SCAF4: variants seen among roughly 807,000 people sequenced by gnomAD.
The protein encoded by SCAF4 is SR-related and CTD-associated factor 4.
In SCAF4, 25 loss-of-function variants were observed where a neutral mutation model predicts 129.8. The observed-to-expected ratio is 0.19, with a 90% confidence interval of 0.14 to 0.27. The LOEUF (loss-of-function observed/expected upper bound fraction) is 0.27. Ranked by LOEUF, SCAF4 falls within the 10% of genes least tolerant of loss-of-function variation. The pLI is 1.00. For missense variants in SCAF4, 1,246 were observed against 1,457.1 expected (o/e 0.86, Z 2.36); for synonymous variants, 551 against 497.7 (o/e 1.11, Z -1.43).
rs190943564 is a variant in SCAF4 at position 31,721,219 on chromosome 21, T to C, written c.30+10444A>G. ...GTTTGCTTTATAAAATATATCCCTA[T>C]ATTTGTTAAAATAGATAGTGGTAAA... is the stretch of plus-strand genomic sequence containing the variant. On this transcript the variant is annotated intron_variant, in intron 1 of 19. Coordinates refer to ENST00000286835, the MANE Select transcript of SCAF4 (RefSeq NM_020706.2). 6.5e-3 allele frequency among the ~76,000 whole-genome samples: 995 copies of C among 152,350 alleles called. 10 individuals are homozygous for C. The highest frequency in any genetic ancestry group is 0.023 in the African/African-American group (937 of 41,568).
intron 1 of SCAF4, among the ~76,000 whole-genome samples, chr21:31,726,014 A>AT (rs1478446349): frequency 1.3e-5 from 2 of 152,006 alleles, no homozygotes; most frequent in African/African-American, 4.8e-5. Flanking sequence ...TATAATAACC[A>AT]ATAGATAGAT....
intron 19 of SCAF4, among the ~76,000 whole-genome samples, chr21:31,674,166 G>C (rs1335999268): frequency 1.3e-5 from 2 of 152,146 alleles, no homozygotes; most frequent in East Asian, 3.8e-4. Flanking sequence ...ACTTTGTACA[G>C]AAGAGAGAAA....
At chr21:31,727,966 T>C (rs1387535790) in intron 1 of SCAF4, among the ~76,000 whole-genome samples, 7 of 152,162 alleles carry the variant, frequency 4.6e-5, no homozygotes, top group Non-Finnish European at 8.8e-5. Context: ...TGTCTTGCCA[T>C]AAAAATTCTC....
In SCAF4 at chr21:31,676,758, T is replaced by A. The variant is rs185379591; in HGVS notation, c.2489-4404A>T. The stretch of plus-strand genomic sequence containing the variant: ...AATGTACTATTCAATGGTTTTAGTA[T>A]ATTCACAGAATTGGGCAACTATCAC... On this transcript the variant is annotated intron_variant, in intron 19 of 19. Coordinates refer to ENST00000286835, the MANE Select transcript of SCAF4 (RefSeq NM_020706.2). Among the ~76,000 whole-genome samples the A allele has an allele frequency of 3.3e-5, 5 of 152,326 alleles. No individual in the cohort carries two copies. The East Asian group carries it at 9.7e-4, about 29-fold the overall frequency.
At chr21:31,697,165 G>A (rs2050407832) in intron 7 of SCAF4, among the ~76,000 whole-genome samples, 1 of 151,906 alleles carries the variant, frequency 6.6e-6, no homozygotes, top group Non-Finnish European at 1.5e-5. Flanking sequence ...TCACCATAAT[G>A]CATATAGAAA....
chr21:31,726,049 C>CTT (rs899443141), intron 1 of SCAF4, among the ~76,000 whole-genome samples: 21 of 142,414 alleles, frequency 1.5e-4, no homozygotes, highest in African/African-American at 3.8e-4. Context: ...TGGCCCTTAA[C>CTT]TTTTTTTTTT....
chr21:31,683,018 G>A (rs1828396825), intron 19 of SCAF4, among the ~76,000 whole-genome samples: 1 of 152,090 alleles, frequency 6.6e-6, no homozygotes, highest in Admixed American at 6.5e-5. Flanking sequence ...CTAACATATT[G>A]CATTTTAGTT....
rs897629926 is a variant in SCAF4 at position 31,732,089 on chromosome 21, GGCCCGAGTCCAC to G, written c.-409_-398del. On this transcript the variant is annotated 5_prime_UTR_variant, in exon 1 of 20. Transcript: ENST00000286835. The stretch of plus-strand genomic sequence containing the variant: ...CTCTCTCCAGCGGGATGGCGGCAGC[GGCCCGAGTCCAC>G]GCCGCGCGGGGCACCCTGGGACGGC... 2 of 409,780 alleles carry G rather than the reference GGCCCGAGTCCAC, an allele frequency of 4.9e-6. No individual in the cohort carries two copies. Among genetic ancestry groups the G allele is most frequent in the African/African-American group, 4.1e-5 (2 of 48,352 alleles). The allele number at this position is 409,780 out of a possible 1,614,324, so 25.4% of individuals were successfully genotyped here.
intron 5 of SCAF4, 29 bp downstream of exon 5, chr21:31,702,215 T>G: frequency 6.2e-7 from 1 of 1,613,236 alleles, no homozygotes; most frequent in Non-Finnish European, 8.5e-7. Flanking sequence ...CATACCATTG[T>G]GTGAGCTCAC....
chr21:31,727,340 A>G (rs1601287331), intron 1 of SCAF4, among the ~76,000 whole-genome samples: 2 of 152,250 alleles, frequency 1.3e-5, no homozygotes, highest in African/African-American at 4.8e-5. Flanking sequence ...GGGCTCCCAA[A>G]GTACTGGAAT....
At chr21:31,714,393 A>T (rs1317665120) in intron 1 of SCAF4, among the ~76,000 whole-genome samples, 8 of 152,220 alleles carry the variant, frequency 5.3e-5, no homozygotes, top group Non-Finnish European at 1.0e-4. Context: ...AGAAGGGATA[A>T]GCATAGTGGA....
Position 31,731,703 on chromosome 21 carries a change from C to G in SCAF4, c.-11G>C. The G allele has an allele frequency of 6.3e-7, 1 of 1,579,362 alleles. No homozygotes were observed. The highest frequency in any genetic ancestry group is 1.1e-5 in the South Asian group (1 of 88,448). ...GTTGACGGCGTCCATGTTCGCGCTG[C>G]GGCGGCGGCTGCTCCGGGCCCGCCG... On this transcript the variant is annotated 5_prime_UTR_variant, in exon 1 of 20. Transcript: ENST00000286835.
At chr21:31,694,433 C>T (rs2050334134) in intron 10 of SCAF4, 144 bp from the exon 11 acceptor site, 1 of 564,966 alleles carries the variant, frequency 1.8e-6, no homozygotes, top group Admixed American at 3.2e-5. Context: ...CTAGTAACAA[C>T]TGGCCATCAC....
In SCAF4 at chr21:31,688,338, A is replaced by G. The variant is rs1290613263; in HGVS notation, c.2012T>C (p.Val671Ala). Residue 671 changes from valine to alanine, a missense_variant, in exon 16 of 20, where the codon GTT becomes GCT. By Grantham distance (64) the Val-to-Ala change is moderately conservative (BLOSUM62 0). Coordinates refer to ENST00000286835, the MANE Select transcript of SCAF4 (RefSeq NM_020706.2). ...AGGTGGCACTGTTATAGGTGCAGGA[A>G]CAGGAATAGGAGGGACAGGCACAGG... The part of the protein sequence containing the change: ...PLPVPVPPIP[V>A]PAPITVPPPQ... 1 of 1,613,742 alleles carries G rather than the reference A, an allele frequency of 6.2e-7. No homozygotes were observed.
chr21:31,730,898 G>A (rs1396270511), intron 1 of SCAF4, among the ~76,000 whole-genome samples: 1 of 152,220 alleles, frequency 6.6e-6, no homozygotes, highest in East Asian at 1.9e-4. Context: ...ACTACCTCGG[G>A]AGGGGGTGCG....
intron 19 of SCAF4, among the ~76,000 whole-genome samples, chr21:31,677,292 C>A (rs2049882869): frequency 6.6e-6 from 1 of 152,098 alleles, no homozygotes; most frequent in East Asian, 1.9e-4. Flanking sequence ...TTCTTGCTTG[C>A]ACCAACATTC....
chr21:31,696,805 AAAAACTTTATG>A, intron 7 of SCAF4, 55 bp from the exon 8 acceptor site: 3 of 1,452,508 alleles, frequency 2.1e-6, no homozygotes, highest in Non-Finnish European at 2.8e-6. Flanking sequence ...TCACTGCACA[AAAAACTTTATG>A]AAAACAAGGG....
At chr21:31,689,501 G>C (rs992116417) in intron 15 of SCAF4, among the ~76,000 whole-genome samples, 1 of 149,336 alleles carries the variant, frequency 6.7e-6, no homozygotes, top group African/African-American at 2.5e-5. Context: ...GTAAAGATGG[G>C]GTTTTACCAT....
intron 16 of SCAF4, among the ~76,000 whole-genome samples, chr21:31,687,789 A>G (rs2050161014): frequency 6.6e-6 from 1 of 152,096 alleles, no homozygotes; most frequent in Non-Finnish European, 1.5e-5. Flanking sequence ...TAGATGTAAG[A>G]CAATATACAT....
Sources: gnomAD v4.1 joint callset for allele counts (sites outside exome capture counted in the v4.1 genomes callset) on GRCh38, gnomAD v4.1.1 for gene constraint, MANE v1.5 for transcripts, NCBI Gene and HGNC (gene_info 2026-07-23, HGNC 2026-07-21) for gene names.